Variants in GSDMC observed in about 807,000 individuals in gnomAD.
GSDMC encodes the protein gasdermin C, also known as gasdermin-C.
A neutral mutation model predicts 58.0 loss-of-function variants in GSDMC; 59 were observed. The ratio of observed to expected loss-of-function variants is 1.02; its 90% confidence interval spans 0.82 to 1.26. GSDMC has a LOEUF of 1.26. GSDMC is among the 50% of genes most tolerant of loss of function. The pLI is 0.00. For synonymous variants in GSDMC, 241 were observed against 220.2 expected, an observed-to-expected ratio of 1.09 and a Z score of -0.83; for missense variants, 659 against 598.5, an observed-to-expected ratio of 1.10 and a Z score of -1.06.
downstream of GSDMC, among the ~76,000 whole-genome samples, chr8:129,746,643 G>A (rs1438009518): frequency 6.6e-6 from 1 of 152,196 alleles, no homozygotes; most frequent in African/African-American, 2.4e-5. Flanking sequence ...CTTCAAGGAT[G>A]AAGAAAGAAT....
intron 5 of GSDMC, among the ~76,000 whole-genome samples, chr8:129,762,176 T>C (rs1295950677): frequency 1.3e-5 from 2 of 152,182 alleles, no homozygotes; most frequent in Non-Finnish European, 2.9e-5. Flanking sequence ...AATTCTGACT[T>C]ATGTTCTTAG....
the GSDMC span, among the ~76,000 whole-genome samples, chr8:129,718,072 A>G: frequency 1.3e-5 from 2 of 152,342 alleles, no homozygotes; most frequent in Non-Finnish European, 1.5e-5. Context: ...TAAAAATCCT[A>G]GAAGAAAACA....
At chr8:129,747,292 A>G (rs930602917), downstream of GSDMC, among the ~76,000 whole-genome samples, 6 of 152,182 alleles carry the variant, frequency 3.9e-5, no homozygotes, top group African/African-American at 1.4e-4. Flanking sequence ...AATTAACACT[A>G]AACAGCCATG....
chr8:129,724,683 A>T, the GSDMC span, among the ~76,000 whole-genome samples: 56,105 of 151,702 alleles, frequency 0.37, 14,045 homozygotes, highest in East Asian at 0.71. Context: ...AATTCTTCAA[A>T]AAAATGATAC....
chr8:129,756,210 C>A (rs1586584717), intron 6 of GSDMC, among the ~76,000 whole-genome samples: 1 of 150,436 alleles, frequency 6.6e-6, no homozygotes, highest in Non-Finnish European at 1.5e-5. Context: ...AATAGCTATA[C>A]TTACATCAGA....
chr8:129,735,541 T>C, the GSDMC span, among the ~76,000 whole-genome samples: 2 of 152,192 alleles, frequency 1.3e-5, no homozygotes, highest in Non-Finnish European at 2.9e-5. Flanking sequence ...CTGAACAACC[T>C]GCTCCTGAAT....
At chr8:129,747,467 A>G (rs1374126934), downstream of GSDMC, among the ~76,000 whole-genome samples, 1 of 152,218 alleles carries the variant, frequency 6.6e-6, no homozygotes, top group African/African-American at 2.4e-5. Context: ...AATAGGGATT[A>G]CTGGAATACA....
the GSDMC span, among the ~76,000 whole-genome samples, chr8:129,737,294 A>C: frequency 3.3e-5 from 5 of 152,192 alleles, no homozygotes; most frequent in African/African-American, 1.2e-4. Context: ...AAACTACTTT[A>C]AAGTTCATAT....
At chr8:129,767,194 C>G (rs745379855) in intron 3 of GSDMC, among the ~76,000 whole-genome samples, 3 of 152,130 alleles carry the variant, frequency 2.0e-5, no homozygotes, top group Admixed American at 6.5e-5. Flanking sequence ...AGCCAGCAAC[C>G]CTGCCTAACT....
At chr8:129,757,717 T>A (rs2033497270) in intron 6 of GSDMC, among the ~76,000 whole-genome samples, 2 of 152,038 alleles carry the variant, frequency 1.3e-5, no homozygotes, top group South Asian at 4.1e-4. Context: ...TACAGCCAGG[T>A]GTCATGATCA....
intron 3 of GSDMC, among the ~76,000 whole-genome samples, chr8:129,768,173 C>T (rs1389513303): frequency 2.6e-5 from 4 of 152,194 alleles, no homozygotes; most frequent in African/African-American, 9.7e-5. Flanking sequence ...AGCAGCAAGC[C>T]ACACTTATTC....
At position 129,786,333 on chromosome 8, in the gene GSDMC, A is replaced by G. The variant is rs79924460; in HGVS notation, c.-327T>C. The G allele has an allele frequency of 0.14, 22,036 of 152,014 alleles. 1,654 individuals are homozygous for G. The highest frequency in any genetic ancestry group is 0.22 in the South Asian group (1,057 of 4,812). 9.4% of individuals were successfully genotyped at this position (152,014 alleles called of 1,614,324 possible). On this transcript the variant is annotated 5_prime_UTR_variant, in exon 1 of 14. Coordinates refer to ENST00000276708, the MANE Select transcript of GSDMC (RefSeq NM_031415.3). ...GGCAACTCCGTCTCAAAAAAAAAAA[A>G]AAGAGAGAAAAATAGCACAATTGAG... is the stretch of plus-strand genomic sequence containing the variant.
At chr8:129,706,869 G>A in the GSDMC span, among the ~76,000 whole-genome samples, 1,115 of 152,282 alleles carry the variant, frequency 7.3e-3, 10 homozygotes, top group Non-Finnish European at 0.01. Context: ...GTATTCAGCT[G>A]TCAATAGGGC....
chr8:129,729,527 T>G, the GSDMC span, among the ~76,000 whole-genome samples: 2 of 152,178 alleles, frequency 1.3e-5, no homozygotes, highest in Non-Finnish European at 2.9e-5. Flanking sequence ...GTTCTCATTG[T>G]TCAATTCCCA....
At position 129,750,023 on chromosome 8, in the gene GSDMC, C is replaced by T. The variant is rs766313314; in HGVS notation, c.1180G>A (p.Asp394Asn). The change falls in exon 12 of 14, where the codon GAC becomes AAC. Residue 394 changes from aspartate to asparagine, a missense_variant. Asp to Asn is a conservative substitution (Grantham distance 23). Coordinates refer to ENST00000276708, the MANE Select transcript of GSDMC (RefSeq NM_031415.3). ...DSNHAWFNPK[D>N]PILYLLEAIM... ...GCTTCAAGGAGATAAAGAATGGGGT[C>T]CTTTGGGTTAAACCATGCATGGTTT... The T allele has an allele frequency of 3.1e-6, 5 of 1,609,844 alleles. No homozygotes were observed. Among genetic ancestry groups the T allele is most frequent in the Non-Finnish European group, 4.2e-6 (5 of 1,178,472 alleles).
chr8:129,753,431 C>G (rs1420180100), intron 6 of GSDMC, among the ~76,000 whole-genome samples: 1 of 152,316 alleles, frequency 6.6e-6, no homozygotes, highest in East Asian at 1.9e-4. Context: ...GGGAAGAACA[C>G]AGTCCTGGCA....
intron 4 of GSDMC, among the ~76,000 whole-genome samples, chr8:129,764,175 T>C (rs1452064322): frequency 6.6e-6 from 1 of 152,136 alleles, no homozygotes; most frequent in Non-Finnish European, 1.5e-5. Context: ...TTTCCTCAAG[T>C]GTCTGTGATT....
rs771009961 is a variant in GSDMC, at chr8:129,752,104, A to G, written c.886+2T>C. 1.2e-6 allele frequency: 2 copies of G among 1,612,272 alleles called. No homozygotes were observed. Among genetic ancestry groups the G allele is most frequent in the Non-Finnish European group, 1.7e-6 (2 of 1,178,348 alleles). ...GGAAGGGGAGGGCCAGATTCCACTCACTTGGCAAATGCCCGCTCAAAAATT... is the reference window on the plus strand; with the variant it reads ...GGAAGGGGAGGGCCAGATTCCACTCGCTTGGCAAATGCCCGCTCAAAAATT... On this transcript the variant is annotated splice_donor_variant, in intron 8 of 13. Coordinates refer to ENST00000276708, the MANE Select transcript of GSDMC (RefSeq NM_031415.3). LOFTEE classifies it high-confidence loss of function.
intron 4 of GSDMC, among the ~76,000 whole-genome samples, chr8:129,763,535 C>T (rs2033748799): frequency 1.3e-5 from 2 of 152,058 alleles, no homozygotes; most frequent in Admixed American, 6.6e-5. Flanking sequence ...TTCTGGAACT[C>T]GTATTATTCA....
Sources: gnomAD v4.1 joint callset for allele counts (sites outside exome capture counted in the v4.1 genomes callset) on GRCh38, gnomAD v4.1.1 for gene constraint, MANE v1.5 for transcripts, NCBI Gene and HGNC (gene_info 2026-07-23, HGNC 2026-07-21) for gene names.